Variants in NHSL3 observed in about 807,000 individuals in gnomAD.
The protein encoded by NHSL3 is NHS-like protein 3.
chr1:32,772,208 G>C, the NHSL3 span: 1 of 1,610,016 alleles, frequency 6.2e-7, no homozygotes, highest in Non-Finnish European at 8.5e-7. Flanking sequence ...TCAGAGCAGC[G>C]GCCACCCCAG....
chr1:32,770,415 C>T, the NHSL3 span: 3 of 1,608,034 alleles, frequency 1.9e-6, no homozygotes, highest in Non-Finnish European at 2.5e-6. The surrounding 1 kb of genome is among the most constrained non-coding windows in gnomAD (Gnocchi z 8.3). Context: ...CATCCTCCTC[C>T]AGTGACACCT....
chr1:32,772,419 G>A, the NHSL3 span: 61 of 1,529,532 alleles, frequency 4.0e-5, no homozygotes, highest in East Asian at 1.4e-3. Context: ...GCCCAGAGGA[G>A]AAGATGGGCC....
the NHSL3 span, chr1:32,769,685 G>C: frequency 6.2e-7 from 1 of 1,612,772 alleles, no homozygotes; most frequent in Non-Finnish European, 8.5e-7. Context: ...TCCACCTTCC[G>C]ACCCCATGAC....
chr1:32,756,708 C>T, the NHSL3 span, among the ~76,000 whole-genome samples: 35 of 150,112 alleles, frequency 2.3e-4, no homozygotes, highest in South Asian at 8.5e-4. Context: ...GTAGCTCACA[C>T]CTGTAATCCC....
chr1:32,745,793 A>G, the NHSL3 span, among the ~76,000 whole-genome samples: 6 of 152,152 alleles, frequency 3.9e-5, no homozygotes, highest in Admixed American at 3.9e-4. Context: ...TGCTGTTGTT[A>G]TGCTGCTGAG....
At chr1:32,768,369 G>A in the NHSL3 span, among the ~76,000 whole-genome samples, 25 of 152,174 alleles carry the variant, frequency 1.6e-4, no homozygotes, top group African/African-American at 6.0e-4. Flanking sequence ...TGAGGTGGGC[G>A]GATCACTTGA....
the NHSL3 span, among the ~76,000 whole-genome samples, chr1:32,762,745 G>A: frequency 4.0e-5 from 6 of 151,886 alleles, no homozygotes; most frequent in East Asian, 3.9e-4. Flanking sequence ...GCCCGCCACC[G>A]CGCCTTGCTA....
chr1:32,770,847 C>G, the NHSL3 span: 1 of 1,607,642 alleles, frequency 6.2e-7, no homozygotes, highest in Non-Finnish European at 8.5e-7. This position sits in a 1 kb window ranked among gnomAD's most constrained non-coding sequence, Gnocchi z 8.3. Flanking sequence ...ACCCAGCCAA[C>G]AGCTGGGTAC....
At chr1:32,761,935 G>A in the NHSL3 span, among the ~76,000 whole-genome samples, 1 of 152,154 alleles carries the variant, frequency 6.6e-6, no homozygotes, top group Non-Finnish European at 1.5e-5. Flanking sequence ...CAGGTTTGTA[G>A]CTGGCACAGT....
the NHSL3 span, among the ~76,000 whole-genome samples, chr1:32,751,193 T>TAA: frequency 6.6e-6 from 1 of 152,216 alleles, no homozygotes; most frequent in Non-Finnish European, 1.5e-5. Context: ...ATGCCTTCCA[T>TAA]ACCACCTACT....
At chr1:32,750,215 G>A in the NHSL3 span, among the ~76,000 whole-genome samples, 1 of 152,108 alleles carries the variant, frequency 6.6e-6, no homozygotes, top group Non-Finnish European at 1.5e-5. Context: ...ATCTCTGTCC[G>A]CCTCCCCCAT....
chr1:32,768,643 C>T, the NHSL3 span: 10 of 1,614,014 alleles, frequency 6.2e-6, no homozygotes, highest in Non-Finnish European at 8.5e-6. Context: ...TCTCCTTCTA[C>T]CCTGATAGTC....
the NHSL3 span, among the ~76,000 whole-genome samples, chr1:32,748,429 G>A: frequency 6.6e-6 from 1 of 152,184 alleles, no homozygotes; most frequent in African/African-American, 2.4e-5. Context: ...GCCCTTCTGA[G>A]GTCAGGATGG....
At chr1:32,764,458 A>T in the NHSL3 span, among the ~76,000 whole-genome samples, 1 of 150,738 alleles carries the variant, frequency 6.6e-6, no homozygotes, top group Admixed American at 6.6e-5. Context: ...GGATACAACC[A>T]TCTTGTTTTT....
At chr1:32,771,375 C>T in the NHSL3 span, 3 of 1,269,862 alleles carry the variant, frequency 2.4e-6, no homozygotes, top group Non-Finnish European at 2.1e-6. Flanking sequence ...CCCCACCTTC[C>T]CCACCCCCAT....
the NHSL3 span, among the ~76,000 whole-genome samples, chr1:32,746,899 CTT>C: frequency 7.2e-5 from 11 of 152,164 alleles, no homozygotes; most frequent in South Asian, 2.1e-4. Flanking sequence ...GAGGGTTTCT[CTT>C]GTGCAGTGGG....
the NHSL3 span, chr1:32,768,173 A>G: frequency 8.4e-7 from 1 of 1,196,700 alleles, no homozygotes; most frequent in East Asian, 2.3e-5. Flanking sequence ...GACCCCTGGC[A>G]AGGATGTCTT....
At chr1:32,772,492 G>A in the NHSL3 span, 28 of 1,503,922 alleles carry the variant, frequency 1.9e-5, no homozygotes, top group East Asian at 4.6e-5. Flanking sequence ...ATGGGAAGTA[G>A]GAATCTGAAG....
the NHSL3 span, chr1:32,773,055 G>A: frequency 1.5e-6 from 1 of 662,816 alleles, no homozygotes; most frequent in South Asian, 1.7e-5. Context: ...TGTTGCTCCT[G>A]TCCTCAGAGT....
Sources: gnomAD v4.1 joint callset for allele counts (sites outside exome capture counted in the v4.1 genomes callset) on GRCh38, gnomAD v4.1.1 for gene constraint, Gnocchi (gnomAD v3.1) non-coding constraint, MANE v1.5 for transcripts, NCBI Gene and HGNC (gene_info 2026-07-23, HGNC 2026-07-21) for gene names.